Variants in PRKCB observed in about 807,000 individuals in gnomAD.
The protein encoded by PRKCB is protein kinase C beta.
A neutral mutation model predicts 81.5 loss-of-function variants in PRKCB; 13 were observed. That is an observed-to-expected ratio of 0.16 (90% CI 0.10 to 0.25). The LOEUF (loss-of-function observed/expected upper bound fraction) is 0.25. Among genes scored for constraint, PRKCB ranks in the 10% least tolerant of loss-of-function variants. PRKCB has a pLI of 1.00. For missense variants in PRKCB, 509 were observed against 875.7 expected (o/e 0.58, Z 5.29); for synonymous variants, 335 against 321.4 (o/e 1.04, Z -0.45).
chr16:23,973,885 G>C (rs1427489763), intron 2 of PRKCB, among the ~76,000 whole-genome samples: 1 of 151,896 alleles, frequency 6.6e-6, no homozygotes, highest in Non-Finnish European at 1.5e-5. Context: ...TGCCCAGGCT[G>C]GTCTCAAACA....
At position 24,217,019 on chromosome 16, in the gene PRKCB, G is replaced by A. The variant is rs1263289728; in HGVS notation, c.*2203G>A. On this transcript the variant is annotated 3_prime_UTR_variant, in exon 17 of 17. Coordinates refer to ENST00000643927, the MANE Select transcript of PRKCB (RefSeq NM_002738.7). ...TGCTCTCAGGAAGATAAAAACCATGGAGAAACACTAGGCCATTGACAAATG... is the reference window on the plus strand; with the variant it reads ...TGCTCTCAGGAAGATAAAAACCATGAAGAAACACTAGGCCATTGACAAATG... 3 of 984,934 alleles carry A rather than the reference G, an allele frequency of 3.0e-6. No individual in the cohort carries two copies. Among genetic ancestry groups the A allele is most frequent in the Non-Finnish European group, 3.6e-6 (3 of 829,902 alleles). 61.0% of individuals were successfully genotyped at this position (984,934 alleles called of 1,614,324 possible).
At chr16:23,938,696 G>A (rs922254935) in intron 2 of PRKCB, among the ~76,000 whole-genome samples, 7 of 152,102 alleles carry the variant, frequency 4.6e-5, no homozygotes, top group African/African-American at 1.7e-4. Flanking sequence ...TTTCATTGTG[G>A]AAGACAGTCA....
chr16:23,884,981 G>T (rs1017813762), intron 2 of PRKCB, among the ~76,000 whole-genome samples: 3 of 152,240 alleles, frequency 2.0e-5, no homozygotes, highest in Admixed American at 6.5e-5. Context: ...TCTTGGGCAA[G>T]TTATTTAATT....
intron 2 of PRKCB, among the ~76,000 whole-genome samples, chr16:23,925,328 T>C (rs1310916677): frequency 6.6e-6 from 1 of 152,162 alleles, no homozygotes; most frequent in Non-Finnish European, 1.5e-5. Flanking sequence ...CTCTCCCTTT[T>C]CATTCTGCAG....
intron 3 of PRKCB, among the ~76,000 whole-genome samples, chr16:24,018,841 A>C (rs11865731): frequency 0.27 from 41,383 of 152,090 alleles, 6,144 homozygotes; most frequent in African/African-American, 0.4. Context: ...CCCTTTTCAA[A>C]TGTGCCATGC....
chr16:24,163,819 C>G (rs754297544), intron 10 of PRKCB, among the ~76,000 whole-genome samples: 52 of 152,338 alleles, frequency 3.4e-4, no homozygotes, highest in Middle Eastern at 3.4e-3. Flanking sequence ...GTCATTACCC[C>G]CTTTTGGGAA....
chr16:24,190,700 G>C (rs1384673798), intron 15 of PRKCB, among the ~76,000 whole-genome samples: 1 of 151,884 alleles, frequency 6.6e-6, no homozygotes, highest in Non-Finnish European at 1.5e-5. Context: ...TGTATTTTTA[G>C]TAGAGACAGG....
chr16:23,938,737 A>C (rs915854494), intron 2 of PRKCB, among the ~76,000 whole-genome samples: 2 of 152,240 alleles, frequency 1.3e-5, no homozygotes, highest in Non-Finnish European at 2.9e-5. Flanking sequence ...CTTTAATCAC[A>C]ATGAAGTAAA....
intron 2 of PRKCB, among the ~76,000 whole-genome samples, chr16:23,955,177 G>A (rs953636650): frequency 6.6e-6 from 1 of 151,652 alleles, no homozygotes; most frequent in Non-Finnish European, 1.5e-5. Flanking sequence ...AGCCAAGATG[G>A]CACCACTGCA....
chr16:24,155,481 A>G (rs1162985604), intron 10 of PRKCB, among the ~76,000 whole-genome samples: 1 of 152,174 alleles, frequency 6.6e-6, no homozygotes, highest in Non-Finnish European at 1.5e-5. Flanking sequence ...TTCCCTGTTC[A>G]AATTAGACCT....
chr16:24,011,403 T>C (rs1002771323), intron 3 of PRKCB, among the ~76,000 whole-genome samples: 1 of 152,186 alleles, frequency 6.6e-6, no homozygotes, highest in African/African-American at 2.4e-5. Context: ...AGGCTCAGGT[T>C]TGTGGCCTTG....
At chr16:24,093,653 C>G (rs940486027) in intron 6 of PRKCB, among the ~76,000 whole-genome samples, 2 of 152,126 alleles carry the variant, frequency 1.3e-5, no homozygotes, top group African/African-American at 4.8e-5. Flanking sequence ...TTTTAGCCAC[C>G]AGCTAGAAGC....
intron 9 of PRKCB, among the ~76,000 whole-genome samples, chr16:24,150,298 G>A (rs1166828740): frequency 6.6e-6 from 1 of 152,036 alleles, no homozygotes. Flanking sequence ...CCCCAGCCTG[G>A]GCAACAGGGT....
intron 2 of PRKCB, among the ~76,000 whole-genome samples, chr16:23,892,142 C>T (rs2878156): frequency 0.52 from 78,554 of 152,018 alleles, 20,948 homozygotes; most frequent in East Asian, 0.63. Context: ...AAAGATGTAC[C>T]TGTTACTGGG....
chr16:24,144,118 A>G (rs1966951770), intron 9 of PRKCB, among the ~76,000 whole-genome samples: 1 of 152,108 alleles, frequency 6.6e-6, no homozygotes, highest in Non-Finnish European at 1.5e-5. Context: ...AAGCAGAAAG[A>G]GAAAGTAGGA....
chr16:23,942,729 C>A (rs1964154382), intron 2 of PRKCB, among the ~76,000 whole-genome samples: 1 of 152,146 alleles, frequency 6.6e-6, no homozygotes, highest in Admixed American at 6.5e-5. Context: ...AGTTAGTTAC[C>A]TTTCTGCTTC....
In PRKCB at chr16:24,088,714, CAAAAAAA is replaced by C. The variant is rs56883594; in HGVS notation, c.530-4060_530-4054del. Among the ~76,000 whole-genome samples the C allele has an allele frequency of 6.0e-3, 682 of 113,646 alleles. 7 individuals carry two copies. Among genetic ancestry groups the C allele is most frequent in the African/African-American group, 0.021 (652 of 31,064 alleles). 74.6% of individuals were successfully genotyped at this position (113,646 alleles called of 152,430 possible). Reference sequence around the variant, plus strand: ...ACCGCACTCCAGCGAGACCCTGTGTCAAAAAAAAAAAAAAAAAAAAAAATTGCTCTTA... The same window carrying C: ...ACCGCACTCCAGCGAGACCCTGTGTCAAAAAAAAAAAAAAAATTGCTCTTA... On this transcript the variant is annotated intron_variant, in intron 5 of 16. Coordinates refer to ENST00000643927, the MANE Select transcript of PRKCB (RefSeq NM_002738.7).
At chr16:23,940,402 G>A (rs1013774947) in intron 2 of PRKCB, among the ~76,000 whole-genome samples, 2 of 151,670 alleles carry the variant, frequency 1.3e-5, no homozygotes, top group Non-Finnish European at 2.9e-5. Flanking sequence ...AATATTTATA[G>A]CAAGCAAGGA....
intron 3 of PRKCB, among the ~76,000 whole-genome samples, chr16:24,016,685 A>G (rs986018701): frequency 6.6e-6 from 1 of 152,200 alleles, no homozygotes; most frequent in African/African-American, 2.4e-5. Flanking sequence ...TATGGGGGAA[A>G]AAATCTTTTC....
Sources: allele counts gnomAD v4.1 joint callset (sites outside exome capture counted in the v4.1 genomes callset), GRCh38; gene constraint gnomAD v4.1.1; transcripts MANE v1.5; gene names NCBI Gene and HGNC (gene_info 2026-07-23, HGNC 2026-07-21).